The following FAHD1 variants were observed in gnomAD, a reference collection of about 807,000 sequenced individuals.
FAHD1 encodes the protein oxaloacetate tautomerase FAHD1, mitochondrial.
In FAHD1, 14 loss-of-function variants were observed where a neutral mutation model predicts 12.7. The ratio of observed to expected loss-of-function variants is 1.10; its 90% CI spans 0.73 to 1.72. The LOEUF (loss-of-function observed/expected upper bound fraction) is 1.72, where lower values mean the gene tolerates loss of function less well. Ranked by LOEUF, FAHD1 falls within the 40% of genes most tolerant of loss-of-function variation. The probability of loss-of-function intolerance (pLI) is 0.00; values close to 1 mark genes in which losing one functional copy is unlikely to be tolerated. For missense variants in FAHD1, 351 were observed against 298.9 expected (o/e 1.17, Z -1.29); for synonymous variants, 153 against 124.9 (o/e 1.22, Z -1.50).
At chr16:1,830,310 C>G (rs1374047639), downstream of FAHD1, among the ~76,000 whole-genome samples, 2 of 152,220 alleles carry the variant, frequency 1.3e-5, no homozygotes, top group East Asian at 3.8e-4. Flanking sequence ...GAGATTGTCT[C>G]TAATGATTTG....
exon 1 of FAHD1, chr16:1,827,973 C>T (rs2142062202): frequency 6.4e-7 from 1 of 1,557,268 alleles, no homozygotes; most frequent in African/African-American, 1.4e-5. Flanking sequence ...TTAAATGTCA[C>T]AATCCTTTAA....
chr16:1,836,757 C>G (rs1319842536), intron 1 of FAHD1, among the ~76,000 whole-genome samples: 2 of 147,242 alleles, frequency 1.4e-5, no homozygotes, highest in Non-Finnish European at 3.1e-5. Context: ...AAACTAATTT[C>G]ATAATAACAC....
intron 2 of FAHD1, among the ~76,000 whole-genome samples, chr16:1,838,552 C>T (rs1301114215): frequency 7.9e-5 from 12 of 152,144 alleles, no homozygotes; most frequent in Admixed American, 7.9e-4. Context: ...AAACGTGTAG[C>T]TGACTTTATG....
downstream of FAHD1, among the ~76,000 whole-genome samples, chr16:1,832,388 G>T (rs932383942): frequency 4.6e-5 from 7 of 150,816 alleles, no homozygotes; most frequent in Admixed American, 6.6e-5. Context: ...AGCCAGGATG[G>T]TCTACATCTC....
At chr16:1,828,843 C>T (rs958095021) in exon 1 of FAHD1, 5 of 998,746 alleles carry the variant, frequency 5.0e-6, no homozygotes, top group Middle Eastern at 5.2e-4. Context: ...CTACCCAGAC[C>T]CATCGATTCT....
chr16:1,830,093 C>G (rs1898594608), downstream of FAHD1, among the ~76,000 whole-genome samples: 1 of 152,234 alleles, frequency 6.6e-6, no homozygotes, highest in Non-Finnish European at 1.5e-5. Flanking sequence ...GAACTCCTGA[C>G]CTCAAGTGAT....
exon 1 of FAHD1, chr16:1,828,636 C>A (rs555784251): frequency 1.0e-6 from 1 of 980,432 alleles, no homozygotes; most frequent in African/African-American, 1.8e-5. Flanking sequence ...ATAAAAATCT[C>A]CACAAATTAC....
exon 2 of FAHD1, chr16:1,838,094 T>C: frequency 1.4e-6 from 1 of 732,836 alleles, no homozygotes; most frequent in Non-Finnish European, 2.2e-6. Flanking sequence ...ACTCCCGGGG[T>C]CAAGCAATCC....
downstream of FAHD1, among the ~76,000 whole-genome samples, chr16:1,829,619 TTC>T (rs1898587859): frequency 3.3e-5 from 5 of 152,228 alleles, no homozygotes; most frequent in South Asian, 1.0e-3. Flanking sequence ...ATAATTGGAT[TTC>T]TTTATTAAGT....
At chr16:1,837,623 T>C (rs1229913737) in intron 1 of FAHD1, 1 of 481,678 alleles carries the variant, frequency 2.1e-6, no homozygotes, top group African/African-American at 2.0e-5. Flanking sequence ...AAAAAACCCC[T>C]GGCTATTTCC....
At chr16:1,829,039 C>A, downstream of FAHD1, 1 of 487,886 alleles carries the variant, frequency 2.0e-6, no homozygotes, top group Non-Finnish European at 2.7e-6. Flanking sequence ...CACAGTTAAT[C>A]AGCAACTGTA....
intron 1 of FAHD1, chr16:1,837,788 A>G: frequency 6.7e-7 from 1 of 1,493,386 alleles, no homozygotes; most frequent in Non-Finnish European, 9.1e-7. Flanking sequence ...ACTAACTTTT[A>G]AATAAATTTT....
exon 1 of FAHD1, chr16:1,828,495 G>T (rs913904626): frequency 2.9e-5 from 29 of 1,000,260 alleles, no homozygotes; most frequent in Non-Finnish European, 3.0e-5. Context: ...TTTTCAGTGG[G>T]TTATCTCTAG....
chr16:1,832,944 G>A (rs1220494556), downstream of FAHD1, among the ~76,000 whole-genome samples: 1 of 150,666 alleles, frequency 6.6e-6, no homozygotes, highest in Non-Finnish European at 1.5e-5. Flanking sequence ...GCTGCACATG[G>A]TAAAAGCCAG....
At chr16:1,830,744 G>A (rs1596955207), downstream of FAHD1, among the ~76,000 whole-genome samples, 1 of 152,072 alleles carries the variant, frequency 6.6e-6, no homozygotes. Context: ...TCCACGTTTT[G>A]AATACATTTA....
exon 3 of FAHD1, chr16:1,839,641 C>CTG (rs1898847609): frequency 4.0e-6 from 2 of 496,874 alleles, no homozygotes; most frequent in Non-Finnish European, 7.0e-6. Context: ...TCATCTGAAA[C>CTG]TGCGTACACC....
intron 1 of FAHD1, chr16:1,837,727 T>A (rs1356106900): frequency 4.4e-6 from 4 of 907,550 alleles, no homozygotes; most frequent in Non-Finnish European, 6.6e-6. Flanking sequence ...TTCTTATGGT[T>A]TGAATATACA....
chr16:1,839,743 C>A (rs1170805270), exon 3 of FAHD1: 5 of 284,956 alleles, frequency 1.8e-5, no homozygotes, highest in Non-Finnish European at 2.7e-5. Flanking sequence ...CTTCTCGTAT[C>A]CCAGCCTGCA....
At chr16:1,832,629 G>C (rs542250954), downstream of FAHD1, among the ~76,000 whole-genome samples, 59 of 152,198 alleles carry the variant, frequency 3.9e-4, no homozygotes, top group African/African-American at 1.4e-3. Flanking sequence ...TCTACAAAAT[G>C]TTTTAAAATT....
Sources: allele counts gnomAD v4.1 joint callset (sites outside exome capture counted in the v4.1 genomes callset), GRCh38; gene constraint gnomAD v4.1.1; transcripts MANE v1.5; gene names NCBI Gene and HGNC (gene_info 2026-07-23, HGNC 2026-07-21).